The following CSMD1 variants were observed in gnomAD, a reference collection of about 807,000 sequenced individuals.
CSMD1 encodes CUB and Sushi multiple domains 1.
Under a neutral mutation model 417.5 loss-of-function variants are expected in CSMD1, and 213 were observed. That is an observed-to-expected ratio of 0.51 (90% CI 0.46 to 0.57). CSMD1 has a LOEUF of 0.57. CSMD1 is among the 20% of genes least tolerant of loss of function. The pLI is 0.00. For missense variants in CSMD1, 6,923 were observed against 4,529.7 expected (o/e 1.53, Z -15.17); for synonymous variants, 2,862 against 1,736.8 (o/e 1.65, Z -16.11).
intron 5 of CSMD1, among the ~76,000 whole-genome samples, chr8:3,765,461 G>A (rs948743205): frequency 1.3e-5 from 2 of 152,174 alleles, no homozygotes; most frequent in Admixed American, 6.5e-5. Flanking sequence ...TAATGGTTGT[G>A]TAGAGGTCTA....
intron 5 of CSMD1, among the ~76,000 whole-genome samples, chr8:3,921,249 T>C (rs1186458171): frequency 6.6e-6 from 1 of 152,176 alleles, no homozygotes; most frequent in African/African-American, 2.4e-5. Context: ...ATTTCTGTAA[T>C]ACCTGTTGTA....
intron 27 of CSMD1, among the ~76,000 whole-genome samples, chr8:3,225,531 C>G (rs1026335562): frequency 4.6e-5 from 7 of 151,944 alleles, no homozygotes; most frequent in African/African-American, 1.5e-4. Context: ...GGAGCGGGAG[C>G]TGATGCAGAG....
intron 12 of CSMD1, among the ~76,000 whole-genome samples, chr8:3,461,116 T>A (rs958575516): frequency 1.3e-5 from 2 of 152,208 alleles, no homozygotes; most frequent in Admixed American, 6.5e-5. Context: ...CACCATCAGA[T>A]GCGGCCCTCA....
chr8:4,937,890 T>C (rs1807728898), intron 1 of CSMD1, among the ~76,000 whole-genome samples: 1 of 152,152 alleles, frequency 6.6e-6, no homozygotes, highest in South Asian at 2.1e-4. Flanking sequence ...ATTTTCACCT[T>C]GCTTGTTTTT....
intron 33 of CSMD1, among the ~76,000 whole-genome samples, chr8:3,194,929 C>T (rs1796619594): frequency 6.6e-6 from 1 of 152,090 alleles, no homozygotes. Context: ...ACCCGGAAAA[C>T]ATGACTTGAA....
intron 47 of CSMD1, among the ~76,000 whole-genome samples, chr8:3,092,653 A>G (rs567242077): frequency 4.3e-4 from 65 of 152,216 alleles, no homozygotes; most frequent in Non-Finnish European, 8.5e-4. Context: ...AAACGTTGAG[A>G]CAACAAAGTT....
chr8:3,996,683 T>C (rs1289462013), intron 5 of CSMD1, among the ~76,000 whole-genome samples: 3 of 152,170 alleles, frequency 2.0e-5, no homozygotes, highest in Non-Finnish European at 2.9e-5. Flanking sequence ...AATCTAAAAG[T>C]GTTGTTCAGC....
At chr8:4,698,658 A>T (rs1296894473) in intron 1 of CSMD1, among the ~76,000 whole-genome samples, 1 of 150,742 alleles carries the variant, frequency 6.6e-6, no homozygotes, top group African/African-American at 2.4e-5. Context: ...AAGGGAGAAG[A>T]CAGGAAGACA....
chr8:4,352,714 A>G (rs961954503), intron 3 of CSMD1, among the ~76,000 whole-genome samples: 4 of 152,218 alleles, frequency 2.6e-5, no homozygotes, highest in East Asian at 1.9e-4. Context: ...AAGAACACAA[A>G]TAAGAACCCT....
chr8:4,855,755 G>T (rs557368196), intron 1 of CSMD1, among the ~76,000 whole-genome samples: 59 of 151,952 alleles, frequency 3.9e-4, no homozygotes, highest in East Asian at 2.1e-3. Flanking sequence ...CAAGAAATAA[G>T]GGACTATGTG....
chr8:3,285,478 C>T (rs906597714), intron 25 of CSMD1, among the ~76,000 whole-genome samples: 2 of 151,732 alleles, frequency 1.3e-5, no homozygotes, highest in Non-Finnish European at 2.9e-5. Context: ...CCTCTACTTC[C>T]TGGGTTCAAG....
At chr8:3,790,098 T>G (rs1167280529) in intron 5 of CSMD1, among the ~76,000 whole-genome samples, 1 of 152,230 alleles carries the variant, frequency 6.6e-6, no homozygotes, top group African/African-American at 2.4e-5. Flanking sequence ...GTCTATTAAA[T>G]GAAAGTGTTA....
At chr8:3,669,364 G>A (rs1178871980) in intron 7 of CSMD1, among the ~76,000 whole-genome samples, 1 of 152,134 alleles carries the variant, frequency 6.6e-6, no homozygotes, top group Non-Finnish European at 1.5e-5. Flanking sequence ...GCCTTGGGCG[G>A]GAGGGTCCAA....
chr8:4,611,725 T>A (rs2130792118), intron 2 of CSMD1, among the ~76,000 whole-genome samples: 1 of 152,342 alleles, frequency 6.6e-6, no homozygotes, highest in African/African-American at 2.4e-5. Context: ...ATATTATTTA[T>A]AATTATATAT....
intron 3 of CSMD1, among the ~76,000 whole-genome samples, chr8:4,238,526 G>C (rs1437246740): frequency 6.6e-6 from 1 of 152,212 alleles, no homozygotes; most frequent in Non-Finnish European, 1.5e-5. Flanking sequence ...CCCATGGTCA[G>C]ACAGGCTTGA....
intron 8 of CSMD1, among the ~76,000 whole-genome samples, chr8:3,592,080 C>T (rs1002646347): frequency 7.3e-5 from 11 of 151,472 alleles, no homozygotes; most frequent in South Asian, 2.1e-4. Flanking sequence ...GAGGAATTGA[C>T]GGATTAGAGA....
chr8:4,983,502 G>A (rs17349258), intron 1 of CSMD1, among the ~76,000 whole-genome samples: 36,679 of 152,078 alleles, frequency 0.24, 5,619 homozygotes, highest in Non-Finnish European at 0.35. Context: ...ACAAATGAAT[G>A]AAAAATCAGC....
At chr8:4,302,457 T>G (rs555337659) in intron 3 of CSMD1, among the ~76,000 whole-genome samples, 2 of 152,198 alleles carry the variant, frequency 1.3e-5, no homozygotes, top group African/African-American at 4.8e-5. Flanking sequence ...ACACATATCG[T>G]GCAGACAAAA....
intron 7 of CSMD1, among the ~76,000 whole-genome samples, chr8:3,659,257 A>G (rs1471790182): frequency 6.6e-6 from 1 of 152,200 alleles, no homozygotes; most frequent in African/African-American, 2.4e-5. Context: ...TGAGAACATG[A>G]TAACAAAGAC....
Sources: gnomAD v4.1 joint callset for allele counts (sites outside exome capture counted in the v4.1 genomes callset) on GRCh38, gnomAD v4.1.1 for gene constraint, MANE v1.5 for transcripts, NCBI Gene and HGNC (gene_info 2026-07-23, HGNC 2026-07-21) for gene names.